KRAS: variants seen among roughly 807,000 people sequenced by gnomAD.
The protein encoded by KRAS is GTPase KRas.
A neutral mutation model predicts 21.0 loss-of-function variants in KRAS; 1 was observed. That is an observed-to-expected ratio of 0.05 (90% CI 0.02 to 0.23). The LOEUF (loss-of-function observed/expected upper bound fraction) is 0.23. Ranked by LOEUF, KRAS falls within the 10% of genes least tolerant of loss-of-function variation. The pLI is 1.00. For missense variants in KRAS, 107 were observed against 221.8 expected (o/e 0.48, Z 3.29); for synonymous variants, 67 against 72.5 (o/e 0.92, Z 0.39).
intron 2 of KRAS, among the ~76,000 whole-genome samples, chr12:25,228,178 C>CTTTTTTTTTTTT (rs34584556): frequency 1.0e-4 from 8 of 76,778 alleles, no homozygotes; most frequent in African/African-American, 1.5e-4. Context: ...TTTCTTTCAT[C>CTTTTTTTTTTTT]TTTTTTTTTT....
intron 2 of KRAS, among the ~76,000 whole-genome samples, chr12:25,239,183 A>G (rs974503480): frequency 2.6e-5 from 4 of 152,120 alleles, no homozygotes; most frequent in African/African-American, 9.7e-5. Flanking sequence ...TTTGGTAGAC[A>G]AGCTATTTAT....
intron 1 of KRAS, among the ~76,000 whole-genome samples, chr12:25,245,827 GT>G (rs1400056700): frequency 2.0e-5 from 3 of 152,110 alleles, no homozygotes; most frequent in Non-Finnish European, 4.4e-5. Context: ...TATTGTTACA[GT>G]TTTCCTAGTG....
chr12:25,250,264 A>G (rs917958766), intron 1 of KRAS, among the ~76,000 whole-genome samples: 3 of 151,970 alleles, frequency 2.0e-5, no homozygotes, highest in Non-Finnish European at 2.9e-5. Context: ...CCTTCGTCCT[A>G]GAGATGCCAA....
chr12:25,212,289 A>G (rs12305513), intron 4 of KRAS, among the ~76,000 whole-genome samples: 23,589 of 152,228 alleles, frequency 0.15, 2,734 homozygotes, highest in African/African-American at 0.33. Context: ...GCAGAAAACA[A>G]TGAAAAACCA....
At chr12:25,239,239 T>C (rs1951580586) in intron 2 of KRAS, among the ~76,000 whole-genome samples, 1 of 152,230 alleles carries the variant, frequency 6.6e-6, no homozygotes. Flanking sequence ...TGTGTTTGCT[T>C]TTCTCTAATT....
At chr12:25,223,503 T>G (rs1015105311) in intron 4 of KRAS, among the ~76,000 whole-genome samples, 3 of 152,178 alleles carry the variant, frequency 2.0e-5, no homozygotes, top group Non-Finnish European at 2.9e-5. Flanking sequence ...ATATATGATA[T>G]ACACCAAGTT....
At chr12:25,220,966 A>G (rs1249625283) in intron 4 of KRAS, among the ~76,000 whole-genome samples, 2 of 146,608 alleles carry the variant, frequency 1.4e-5, no homozygotes, top group Admixed American at 7.0e-5. Context: ...AGGAGGTTGC[A>G]ATCAGCCAAG....
At chr12:25,225,462 A>C in intron 4 of KRAS, 152 bp downstream of exon 4, 1 of 754,940 alleles carries the variant, frequency 1.3e-6, no homozygotes, top group Non-Finnish European at 2.2e-6. Context: ...CACTGGATTA[A>C]GAAGCAATGC....
intron 2 of KRAS, among the ~76,000 whole-genome samples, chr12:25,242,940 A>G (rs1304774017): frequency 6.6e-6 from 1 of 152,186 alleles, no homozygotes; most frequent in African/African-American, 2.4e-5. Flanking sequence ...CTCTTAGTGT[A>G]AATTTTGAAA....
chr12:25,218,903 T>C (rs2141494306), intron 4 of KRAS, among the ~76,000 whole-genome samples: 1 of 142,854 alleles, frequency 7.0e-6, no homozygotes, highest in Middle Eastern at 3.6e-3. Flanking sequence ...ATATACTCAT[T>C]TTGTGGGGGT....
chr12:25,205,728 CT>C lies in KRAS; in HGVS notation c.*4066del, dbSNP rs34719539. The C allele has an allele frequency of 3.2e-3, 704 of 220,656 alleles. 9 individuals carry two copies. Among genetic ancestry groups the C allele is most frequent in the African/African-American group, 0.015 (660 of 44,782 alleles). The allele number at this position is 220,656 out of a possible 1,614,324, so 13.7% of individuals were successfully genotyped here. A position where few individuals can be genotyped will look rare whatever the true frequency, so the allele number is the denominator to read the frequency against. ...GGGCCCTCAACATATCTGCAGATAA[CT>C]TTTTTTTCCCCTAAATTCATCTAAA... On this transcript the variant is annotated 3_prime_UTR_variant, in exon 5 of 5. Coordinates refer to ENST00000311936, the MANE Select transcript of KRAS (RefSeq NM_004985.5).
At chr12:25,239,268 C>T (rs1041006256) in intron 2 of KRAS, among the ~76,000 whole-genome samples, 6 of 151,878 alleles carry the variant, frequency 4.0e-5, no homozygotes, top group African/African-American at 1.2e-4. Context: ...AGATAGCTTC[C>T]TGTTACTTGA....
At chr12:25,233,409 T>G (rs1951501639) in intron 2 of KRAS, among the ~76,000 whole-genome samples, 1 of 151,562 alleles carries the variant, frequency 6.6e-6, no homozygotes, top group African/African-American at 2.4e-5. Flanking sequence ...CAAAAAAAAA[T>G]TAGGTGTGGT....
At chr12:25,209,954 G>T in intron 4 of KRAS, 43 bp from the exon 5 acceptor site, 1 of 1,463,996 alleles carries the variant, frequency 6.8e-7, no homozygotes, top group Non-Finnish European at 9.4e-7. Flanking sequence ...ATATACGATG[G>T]CTTCATGTGT....
In KRAS at chr12:25,247,883, A is replaced by G. The variant is rs118045817; in HGVS notation, c.-11-2488T>C. ...AAGTTTTGGTTTTGTTTTGGAAAATAGTTATTTTTCATAAAATATTTTATT... is the reference window on the plus strand; with the variant it reads ...AAGTTTTGGTTTTGTTTTGGAAAATGGTTATTTTTCATAAAATATTTTATT... On this transcript the variant is annotated intron_variant, in intron 1 of 4. Coordinates refer to ENST00000311936, the MANE Select transcript of KRAS (RefSeq NM_004985.5). 4.8e-4 allele frequency among the ~76,000 whole-genome samples: 73 copies of G among 152,348 alleles called. 1 individual carries two copies. Among genetic ancestry groups the G allele is most frequent in the Non-Finnish European group, 9.0e-4 (61 of 68,032 alleles).
Position 25,209,743 on chromosome 12 carries a change from C to T in KRAS, c.*52G>A, listed in dbSNP as rs764375211. On this transcript the variant is annotated 3_prime_UTR_variant, in exon 5 of 5. Transcript: ENST00000311936. ...AATGCTAATAATTTAGTGTAATGTA[C>T]AAAAATTACCACTTGTACTAGTATG... The T allele has an allele frequency of 4.4e-6, 7 of 1,589,430 alleles. No individual in the cohort carries two copies. The highest frequency in any genetic ancestry group is 1.4e-5 in the African/African-American group (1 of 73,788).
intron 4 of KRAS, among the ~76,000 whole-genome samples, chr12:25,216,553 C>T (rs1951258294): frequency 6.6e-6 from 1 of 152,148 alleles, no homozygotes; most frequent in African/African-American, 2.4e-5. Flanking sequence ...GGATTACAGC[C>T]ATGAGCCACC....
chr12:25,220,932 C>T (rs1479684411), intron 4 of KRAS, among the ~76,000 whole-genome samples: 1 of 139,060 alleles, frequency 7.2e-6, no homozygotes, highest in Admixed American at 8.0e-5. Flanking sequence ...GGCTGAGGCA[C>T]AAGAATTGCT....
chr12:25,229,175 T>C (rs1951433634), intron 2 of KRAS, among the ~76,000 whole-genome samples: 1 of 152,196 alleles, frequency 6.6e-6, no homozygotes, highest in African/African-American at 2.4e-5. Flanking sequence ...ACAATGCAAG[T>C]GTACATGCTG....
Sources: allele counts gnomAD v4.1 joint callset (sites outside exome capture counted in the v4.1 genomes callset), GRCh38; gene constraint gnomAD v4.1.1; transcripts MANE v1.5; gene names NCBI Gene and HGNC (gene_info 2026-07-23, HGNC 2026-07-21).